TNFRSF1B: variants seen among roughly 807,000 people sequenced by gnomAD.
TNFRSF1B encodes the protein TNF receptor superfamily member 1B.
Under a neutral mutation model 44.6 loss-of-function variants are expected in TNFRSF1B, and 19 were observed. That is an observed-to-expected ratio of 0.43 (90% CI 0.30 to 0.62). The LOEUF (loss-of-function observed/expected upper bound fraction) is 0.62, where lower values mean the gene tolerates loss of function less well. Ranked by LOEUF, TNFRSF1B falls within the 20% of genes least tolerant of loss-of-function variation. The probability of loss-of-function intolerance (pLI) is 0.16; values close to 1 mark genes in which losing one functional copy is unlikely to be tolerated. For missense variants in TNFRSF1B, 541 were observed against 619.9 expected (o/e 0.87, Z 1.35); for synonymous variants, 252 against 261.1 (o/e 0.97, Z 0.34).
At chr1:12,188,357 C>T (rs1216834504) in intron 1 of TNFRSF1B, among the ~76,000 whole-genome samples, 3 of 152,126 alleles carry the variant, frequency 2.0e-5, no homozygotes, top group Non-Finnish European at 4.4e-5. Context: ...TCAGGGAGGG[C>T]TTCCCAGAGG....
At chr1:12,190,904 G>C in intron 2 of TNFRSF1B, 53 bp from the exon 3 acceptor site, 2 of 1,594,584 alleles carry the variant, frequency 1.3e-6, no homozygotes, top group Non-Finnish European at 1.7e-6. Flanking sequence ...GATGAGCCCA[G>C]GGTCCTGGCA....
chr1:12,191,720 G>A (rs759820006), intron 3 of TNFRSF1B, 54 bp from the exon 4 acceptor site: 1 of 1,608,512 alleles, frequency 6.2e-7, no homozygotes, highest in Non-Finnish European at 8.5e-7. Flanking sequence ...TGGGAGGGCA[G>A]CGTGGGTGTG....
Position 12,182,562 on chromosome 1 carries a change from T to C in TNFRSF1B, c.79-6234T>C, listed in dbSNP as rs549440935. On this transcript the variant is annotated intron_variant, in intron 1 of 9. Coordinates refer to ENST00000376259, the MANE Select transcript of TNFRSF1B (RefSeq NM_001066.3). ...CAACACTGGGTGCTCAGCACGTCTG[T>C]TGAATGAATGAATGAATGAATCACT... is the stretch of plus-strand genomic sequence containing the variant. Among the ~76,000 whole-genome samples the C allele has an allele frequency of 1.1e-3, 163 of 152,064 alleles. 1 individual carries two copies. The highest frequency in any genetic ancestry group is 3.8e-3 in the African/African-American group (157 of 41,508).
At chr1:12,175,714 C>G (rs536199594) in intron 1 of TNFRSF1B, among the ~76,000 whole-genome samples, 3 of 152,158 alleles carry the variant, frequency 2.0e-5, no homozygotes, top group African/African-American at 7.2e-5. Context: ...GACATCACCC[C>G]TCCCACCCCT....
chr1:12,176,331 C>T (rs759618754), intron 1 of TNFRSF1B, among the ~76,000 whole-genome samples: 10 of 152,298 alleles, frequency 6.6e-5, no homozygotes, highest in East Asian at 3.9e-4. Context: ...CAGCAGCACA[C>T]GAGGCTGTAA....
At chr1:12,167,220 G>T (rs1171911433) in intron 1 of TNFRSF1B, 51 bp downstream of exon 1, 11 of 1,215,584 alleles carry the variant, frequency 9.0e-6, no homozygotes, top group African/African-American at 1.6e-5. Flanking sequence ...ATGTCCACCC[G>T]GCTGGTGCGC....
At chr1:12,167,906 CT>C (rs1211822485) in intron 1 of TNFRSF1B, among the ~76,000 whole-genome samples, 1 of 152,198 alleles carries the variant, frequency 6.6e-6, no homozygotes, top group African/African-American at 2.4e-5. Flanking sequence ...CCTAGGGCTC[CT>C]ATTCAATATG....
chr1:12,174,658 T>G (rs931798034), intron 1 of TNFRSF1B, among the ~76,000 whole-genome samples: 1 of 152,246 alleles, frequency 6.6e-6, no homozygotes, highest in African/African-American at 2.4e-5. Flanking sequence ...AGCTGGCTAG[T>G]TCACAGCAAG....
intron 8 of TNFRSF1B, 75 bp downstream of exon 8, chr1:12,194,693 C>G: frequency 6.5e-7 from 1 of 1,549,792 alleles, no homozygotes; most frequent in Non-Finnish European, 8.9e-7. Context: ...ACAGAGGAAG[C>G]AGTGAATTCT....
In TNFRSF1B at chr1:12,180,706, G is replaced by T. The variant is rs1452264120; in HGVS notation, c.79-8090G>T. 6.6e-6 allele frequency among the ~76,000 whole-genome samples: 1 copy of T among 152,184 alleles called. No homozygotes were observed. The highest frequency in any genetic ancestry group is 6.5e-5 in the Admixed American group (1 of 15,270). ...GGCGTGGGGTCAGAAGAGAGGGGAC[G>T]GTGTGCAGGGAGGGTGGAACCTGAC... On this transcript the variant is annotated intron_variant, in intron 1 of 9. Coordinates refer to ENST00000376259, the MANE Select transcript of TNFRSF1B (RefSeq NM_001066.3). The surrounding 1 kb of genome is among the most constrained non-coding windows in gnomAD (Gnocchi z 4.3).
In TNFRSF1B at chr1:12,174,238, CCTTCTCCTTCTCCTTCTCCTTCTT is replaced by C. The variant is rs1638599290; in HGVS notation, c.78+7075_78+7098del. On this transcript the variant is annotated intron_variant, in intron 1 of 9. Transcript: ENST00000376259. ...TCCTTCTCCTTCTCCTTCTCCTTCT[CCTTCTCCTTCTCCTTCTCCTTCTT>C]CTTCTGATGGAGTCTGACTCCGTTG... Among the ~76,000 whole-genome samples, 3 of 140,282 alleles carry C rather than the reference CCTTCTCCTTCTCCTTCTCCTTCTT, an allele frequency of 2.1e-5. No homozygotes were observed. The Admixed American group carries it at 2.1e-4, about 10-fold the overall frequency. 92.0% of individuals were successfully genotyped at this position (140,282 alleles called of 152,430 possible).
At chr1:12,173,521 C>G (rs2101077785) in intron 1 of TNFRSF1B, among the ~76,000 whole-genome samples, 1 of 152,330 alleles carries the variant, frequency 6.6e-6, no homozygotes, top group South Asian at 2.1e-4. Context: ...CCTCTCTGCC[C>G]CTTGGTACCT....
chr1:12,188,467 C>G (rs1056566206), intron 1 of TNFRSF1B, among the ~76,000 whole-genome samples: 1 of 152,140 alleles, frequency 6.6e-6, no homozygotes, highest in Admixed American at 6.5e-5. Flanking sequence ...TGCTGAGAAC[C>G]CCCGTTCTCT....
Position 12,168,738 on chromosome 1 carries a change from A to C in TNFRSF1B, c.78+1569A>C, listed in dbSNP as rs1638452837. Among the ~76,000 whole-genome samples the C allele has an allele frequency of 6.6e-6, 1 of 151,816 alleles. No homozygotes were observed. The highest frequency in any genetic ancestry group is 2.4e-5 in the African/African-American group (1 of 41,310). ...GGCAGCTCATATTCCCTCCTCCCTC[A>C]TCCCTGCTCCCCACGACCCCACCCG... On this transcript the variant is annotated intron_variant, in intron 1 of 9. Coordinates refer to ENST00000376259, the MANE Select transcript of TNFRSF1B (RefSeq NM_001066.3). This position sits in a 1 kb window ranked among gnomAD's most constrained non-coding sequence, Gnocchi z 4.7.
intron 1 of TNFRSF1B, 140 bp from the exon 2 acceptor site, chr1:12,188,656 G>A (rs913889137): frequency 3.0e-5 from 22 of 741,424 alleles, no homozygotes; most frequent in Non-Finnish European, 4.0e-5. Flanking sequence ...CCTGCTCCAG[G>A]GGGAGAAACC....
In TNFRSF1B at chr1:12,178,677, G is replaced by T. The variant is rs958671435; in HGVS notation, c.79-10119G>T. Among the ~76,000 whole-genome samples the T allele has an allele frequency of 1.3e-5, 2 of 152,194 alleles. No homozygotes were observed. The highest frequency in any genetic ancestry group is 4.8e-5 in the African/African-American group (2 of 41,446). On this transcript the variant is annotated intron_variant, in intron 1 of 9. Coordinates refer to ENST00000376259, the MANE Select transcript of TNFRSF1B (RefSeq NM_001066.3). The surrounding 1 kb of genome is among the most constrained non-coding windows in gnomAD (Gnocchi z 4.3). Reference sequence around the variant, plus strand: ...GAAGCTGAGAAGTCAGCACTGCCAGGTCGGGGGTGGCGGGTCAGGACGTTT... The same window carrying T: ...GAAGCTGAGAAGTCAGCACTGCCAGTTCGGGGGTGGCGGGTCAGGACGTTT...
At chr1:12,197,935 C>G (rs558360868) in intron 8 of TNFRSF1B, among the ~76,000 whole-genome samples, 1 of 152,212 alleles carries the variant, frequency 6.6e-6, no homozygotes, top group East Asian at 1.9e-4. Flanking sequence ...ACCATCCTGG[C>G]TAACACAGTG....
chr1:12,188,963 C>T (rs1815530), intron 2 of TNFRSF1B, 68 bp downstream of exon 2: 316,765 of 1,420,608 alleles, frequency 0.22, 36,402 homozygotes, highest in South Asian at 0.25. Context: ...GGGGCTGGGG[C>T]GCAAGAGCAT....
Position 12,190,990 on chromosome 1 carries a change from C to G in TNFRSF1B, c.212C>G (p.Ser71Trp). The G allele has an allele frequency of 6.2e-7, 1 of 1,614,054 alleles. No individual in the cohort carries two copies. The highest frequency in any genetic ancestry group is 2.2e-5 in the East Asian group (1 of 44,896). Residue 71 changes from serine to tryptophan, a missense_variant, in exon 3 of 10, where the codon TCG (serine) becomes TGG (tryptophan). Physicochemically the swap from Ser to Trp is radical, Grantham distance 177. Transcript: ENST00000376259. ...QHAKVFCTKT[S>W]DTVCDSCEDS... is the part of the protein sequence containing the mutation. ...GCAAAAGTCTTCTGTACCAAGACCT[C>G]GGACACCGTGTGTGACTCCTGTGAG...
Sources: gnomAD v4.1 joint callset for allele counts (sites outside exome capture counted in the v4.1 genomes callset) on GRCh38, gnomAD v4.1.1 for gene constraint, Gnocchi (gnomAD v3.1) non-coding constraint, MANE v1.5 for transcripts, NCBI Gene and HGNC (gene_info 2026-07-23, HGNC 2026-07-21) for gene names.